The following TENM1 variants were observed in gnomAD, a reference collection of about 807,000 sequenced individuals.
TENM1 encodes teneurin transmembrane protein 1.
TENM1 carries 35 observed loss-of-function variants against 174.8 expected under a neutral mutation model. The observed-to-expected ratio is 0.20, with a 90% confidence interval of 0.15 to 0.27. TENM1 has a LOEUF of 0.27. Among genes scored for constraint, TENM1 ranks in the 10% least tolerant of loss-of-function variants. The probability of loss-of-function intolerance (pLI) is 1.00; values close to 1 mark genes in which losing one functional copy is unlikely to be tolerated. For missense variants in TENM1, 1,633 were observed against 2,130.1 expected, an observed-to-expected ratio of 0.77 and a Z score of 4.59; for synonymous variants, 781 against 798.7, an observed-to-expected ratio of 0.98 and a Z score of 0.37.
the TENM1 span, among the ~76,000 whole-genome samples, chrX:124,970,094 T>C: frequency 8.9e-6 from 1 of 111,892 alleles, no homozygotes; most frequent in Non-Finnish European, 1.9e-5. Context: ...TTTGAATCCA[T>C]GGACCTGAGT....
intron 3 of TENM1, among the ~76,000 whole-genome samples, chrX:124,891,722 A>T (rs2147559822): frequency 9.0e-6 from 1 of 111,321 alleles, no homozygotes; most frequent in African/African-American, 3.3e-5. Flanking sequence ...AACTAAAGAT[A>T]AAAAAATTAA....
rs149922372 is a variant in TENM1, at chrX:124,852,799, C to G, written c.535+41497G>C. The stretch of plus-strand genomic sequence containing the variant: ...GACAGATATCTGGTGAACACTGATA[C>G]CTTTCAAGGGTGGAATGAAGAGAAA... On this transcript the variant is annotated intron_variant, in intron 3 of 31. Coordinates refer to ENST00000422452, the Ensembl canonical transcript of TENM1. 7.8e-3 allele frequency among the ~76,000 whole-genome samples: 872 copies of G among 111,205 alleles called. 11 individuals are homozygous for G. The highest frequency in any genetic ancestry group is 0.027 in the African/African-American group (835 of 30,642).
chrX:125,055,635 C>T, the TENM1 span, among the ~76,000 whole-genome samples: 1 of 111,606 alleles, frequency 9.0e-6, no homozygotes, highest in Non-Finnish European at 1.9e-5. Flanking sequence ...CTCATACCCA[C>T]ATTTTGTCCA....
At chrX:125,153,484 T>G in the TENM1 span, among the ~76,000 whole-genome samples, 5 of 112,435 alleles carry the variant, frequency 4.4e-5, no homozygotes, top group Non-Finnish European at 7.5e-5. Context: ...AGAAAGTTAA[T>G]AATCAGCACA....
the TENM1 span, among the ~76,000 whole-genome samples, chrX:125,075,710 G>A: frequency 9.0e-6 from 1 of 111,036 alleles, no homozygotes; most frequent in Admixed American, 9.6e-5. Context: ...AGTTTTTCAG[G>A]AAAAGAAACA....
At chrX:124,945,393 G>A (rs1174401164) in intron 1 of TENM1, among the ~76,000 whole-genome samples, 1 of 110,689 alleles carries the variant, frequency 9.0e-6, no homozygotes, top group Non-Finnish European at 1.9e-5. Flanking sequence ...GATAGGCTTT[G>A]GGCTTTAAGA....
At chrX:125,052,439 A>G in the TENM1 span, among the ~76,000 whole-genome samples, 6 of 111,745 alleles carry the variant, frequency 5.4e-5, no homozygotes, top group East Asian at 8.5e-4. Flanking sequence ...TGCACTGGAG[A>G]AATTTAATGT....
At chrX:124,893,789 AT>A (rs72203337) in intron 3 of TENM1, among the ~76,000 whole-genome samples, 11,054 of 110,016 alleles carry the variant, frequency 0.1, 1,339 homozygotes, top group African/African-American at 0.34. Flanking sequence ...GAGAATGAAC[AT>A]TTTTTTTTCA....
At chrX:124,674,668 C>G (rs1424908868) in intron 5 of TENM1, among the ~76,000 whole-genome samples, 2 of 111,389 alleles carry the variant, frequency 1.8e-5, no homozygotes, top group Non-Finnish European at 3.8e-5. Context: ...TGGTATGGCA[C>G]ATTAATAAAG....
Position 124,652,023 on chromosome X carries a change from C to A in TENM1, c.1470G>T (p.Ser490=), listed in dbSNP as rs979095690. The change falls in exon 8 of 32, where the codon TCG becomes TCT. Residue 490 remains serine, a synonymous_variant. Coordinates refer to ENST00000422452, the Ensembl canonical transcript of TENM1. ...ACTCTATGAAACCTGTCTCCTGAAG[C>A]GAAGTTAAGATCAGGTTCCGAGGGG... 5.0e-6 allele frequency: 6 copies of A among 1,209,869 alleles called. No homozygotes were observed. The African/African-American group carries it at 1.1e-4, about 21-fold the overall frequency.
At chrX:124,756,242 A>G (rs1297714986) in intron 3 of TENM1, among the ~76,000 whole-genome samples, 1 of 101,224 alleles carries the variant, frequency 9.9e-6, no homozygotes, top group Non-Finnish European at 1.9e-5. Context: ...CATTCATTTC[A>G]TCTTCCATCA....
chrX:125,051,478 C>A, the TENM1 span, among the ~76,000 whole-genome samples: 1 of 111,106 alleles, frequency 9.0e-6, no homozygotes. Context: ...ACAGCATGGT[C>A]TTGGTACCAA....
At chrX:125,049,116 C>T in the TENM1 span, among the ~76,000 whole-genome samples, 1 of 111,496 alleles carries the variant, frequency 9.0e-6, no homozygotes, top group East Asian at 2.8e-4. Context: ...TCATAAAATT[C>T]ACCCTTTTAA....
intron 17 of TENM1, among the ~76,000 whole-genome samples, chrX:124,521,900 C>T (rs749630163): frequency 1.2e-4 from 13 of 111,817 alleles, no homozygotes; most frequent in Admixed American, 8.6e-4. Context: ...GTTTTTCTTC[C>T]TCTACCTTAG....
chrX:124,678,304 C>T (rs1484200185), intron 5 of TENM1, among the ~76,000 whole-genome samples: 6 of 110,917 alleles, frequency 5.4e-5, no homozygotes, highest in Admixed American at 1.9e-4. Flanking sequence ...GCATATTCTA[C>T]GATCTGGTTT....
intron 1 of TENM1, among the ~76,000 whole-genome samples, chrX:124,901,494 A>G (rs2057663562): frequency 9.0e-6 from 1 of 111,215 alleles, no homozygotes; most frequent in African/African-American, 3.3e-5. Context: ...TGTTTGTTTG[A>G]GACAGGGTTT....
exon 29 of TENM1, chrX:124,385,856 G>A (rs766282098): frequency 8.3e-7 from 1 of 1,211,230 alleles, no homozygotes; most frequent in Non-Finnish European, 1.1e-6. Context: ...CAGATGCAGG[G>A]TCTGTAGCAA....
chrX:124,520,739 T>G, exon 18 of TENM1: 1 of 1,200,148 alleles, frequency 8.3e-7, no homozygotes, highest in Middle Eastern at 2.4e-4. Flanking sequence ...CTCAGGTAAC[T>G]CAGCCTCACA....
At chrX:124,644,201 T>G (rs1443207334) in intron 10 of TENM1, among the ~76,000 whole-genome samples, 3 of 99,357 alleles carry the variant, frequency 3.0e-5, no homozygotes, top group Non-Finnish European at 4.0e-5. Flanking sequence ...ATATATAAAT[T>G]TACATATACA....
Sources: allele counts gnomAD v4.1 joint callset (sites outside exome capture counted in the v4.1 genomes callset), GRCh38; gene constraint gnomAD v4.1.1; transcripts MANE v1.5; gene names NCBI Gene and HGNC (gene_info 2026-07-23, HGNC 2026-07-21).